The following MAGEA1 variants were observed in gnomAD, a reference collection of about 807,000 sequenced individuals.
The protein encoded by MAGEA1 is melanoma-associated antigen 1.
For missense variants in MAGEA1, 182 were observed against 233.7 expected (o/e 0.78, Z 1.44); for synonymous variants, 101 against 96.7 (o/e 1.04, Z -0.26).
In MAGEA1 at chrX:153,182,886, G is replaced by C; in HGVS notation, c.497G>C (p.Gly166Ala). The change falls in exon 3 of 3, where the codon GGC (glycine) becomes GCC (alanine). Residue 166 changes from glycine to alanine, a missense_variant. Physicochemically the swap from Gly to Ala is moderately conservative, Grantham distance 60. Transcript: ENST00000356661. ...GACGTGAAGGAAGCAGACCCCACCG[G>C]CCACTCCTATGTCCTTGTCACCTGC... Reference protein sequence around the residue: ...GIDVKEADPTGHSYVLVTCLG... With the variant: ...GIDVKEADPTAHSYVLVTCLG... 1 of 1,211,829 alleles carries C rather than the reference G, an allele frequency of 8.3e-7. No homozygotes were observed. The highest frequency in any genetic ancestry group is 1.1e-6 in the Non-Finnish European group (1 of 895,504).
rs965633628 is a variant in MAGEA1, at chrX:153,181,352, C to T, written c.-138-825C>T. ...GCGGTCCCAGGATCTGCCATGCGTT[C>T]GGGTGAGGAACATGAGGGAGGACTG... On this transcript the variant is annotated intron_variant, in intron 1 of 2. Coordinates refer to ENST00000356661, the MANE Select transcript of MAGEA1 (RefSeq NM_004988.5). Among the ~76,000 whole-genome samples, 13 of 111,240 alleles carry T rather than the reference C, an allele frequency of 1.2e-4. No homozygotes were observed. In the East Asian group the frequency reaches 3.4e-3, roughly 29 times the overall value.
rs1556944172 is a variant in MAGEA1 at position 153,182,935 on chromosome X, G to T, written c.546G>T (p.Leu182=). 5.0e-6 allele frequency: 6 copies of T among 1,211,887 alleles called. No individual in the cohort carries two copies. Among genetic ancestry groups the T allele is most frequent in the Non-Finnish European group, 6.7e-6 (6 of 895,533 alleles). ...GCCTAGGTCTCTCCTATGATGGCCT[G>T]CTGGGTGATAATCAGATCATGCCCA... The part of the protein sequence containing the change: ...VTCLGLSYDG[L]LGDNQIMPKT... Residue 182 remains leucine, a synonymous_variant, in exon 3 of 3, where the codon CTG becomes CTT. Transcript: ENST00000356661.
intron 1 of MAGEA1, among the ~76,000 whole-genome samples, chrX:153,180,405 A>G (rs1359929918): frequency 2.7e-5 from 3 of 109,920 alleles, no homozygotes; most frequent in African/African-American, 1.0e-4. Flanking sequence ...CCTACCCCCA[A>G]CCTCATCTTG....
At position 153,182,140 on chromosome X, in the gene MAGEA1, G is replaced by A. The variant is rs1195378369; in HGVS notation, c.-138-37G>A. 4.8e-6 allele frequency: 3 copies of A among 621,790 alleles called. 1 individual carries two copies. Among genetic ancestry groups the A allele is most frequent in the Non-Finnish European group, 2.6e-6 (1 of 386,996 alleles). 51.2% of individuals were successfully genotyped at this position (621,790 alleles called of 1,213,427 possible). ...CCTGTAGAATCGACCTCTGCTGGCC[G>A]GCTGTACCCTGAGTACCCTCTCACT... On this transcript the variant is annotated intron_variant, in intron 1 of 2. Transcript: ENST00000356661.
chrX:153,181,463 C>T (rs1183304855), intron 1 of MAGEA1, among the ~76,000 whole-genome samples: 1 of 111,623 alleles, frequency 9.0e-6, no homozygotes, highest in African/African-American at 3.3e-5. Flanking sequence ...ATGGGCTGGG[C>T]CGTCTGCCGA....
chrX:153,183,604 T>C lies in MAGEA1; in HGVS notation c.*285T>C. ...AGTCACACAGTTCTGTGTATATAGT[T>C]TAAGGGTAAGAGTCTTGTGTTTTAT... On this transcript the variant is annotated 3_prime_UTR_variant, in exon 3 of 3. Transcript: ENST00000356661. 1 of 320,672 alleles carries C rather than the reference T, an allele frequency of 3.1e-6. No individual in the cohort carries two copies. The highest frequency in any genetic ancestry group is 5.7e-6 in the Non-Finnish European group (1 of 175,287). 26.4% of individuals were successfully genotyped at this position (320,672 alleles called of 1,213,427 possible). A position where few individuals can be genotyped will look rare whatever the true frequency, so the allele number is the denominator to read the frequency against.
intron 1 of MAGEA1, among the ~76,000 whole-genome samples, chrX:153,180,339 C>T (rs3788749): frequency 0.11 from 11,967 of 110,826 alleles, 544 homozygotes; most frequent in South Asian, 0.19. Context: ...GGGTTCCCCA[C>T]CCACACCTGT....
Position 153,180,568 on chromosome X carries a change from T to C in MAGEA1, c.-139+1203T>C, listed in dbSNP as rs1047241431. Among the ~76,000 whole-genome samples, 12 of 110,879 alleles carry C rather than the reference T, an allele frequency of 1.1e-4. No homozygotes were observed. In the Admixed American group the frequency reaches 1.1e-3, roughly 11 times the overall value. On this transcript the variant is annotated intron_variant, in intron 1 of 2. Transcript: ENST00000356661. The stretch of plus-strand genomic sequence containing the variant: ...GCCCTACTGCGAGATGAGGGAGGCC[T>C]CAGAGGACCCAGCACCCTAGGACAC...
At chrX:153,181,538 C>A (rs1004973947) in intron 1 of MAGEA1, among the ~76,000 whole-genome samples, 1 of 110,966 alleles carries the variant, frequency 9.0e-6, no homozygotes, top group Non-Finnish European at 1.9e-5. Context: ...GAGAAGGCTG[C>A]GCTCAGGTCA....
Position 153,179,343 on chromosome X carries a change from C to G in MAGEA1, c.-161C>G, listed in dbSNP as rs1233043765. 1 of 104,960 alleles carries G rather than the reference C, an allele frequency of 9.5e-6. No homozygotes were observed. The highest frequency in any genetic ancestry group is 3.5e-5 in the African/African-American group (1 of 28,461). The allele number at this position is 104,960 out of a possible 1,213,427, so 8.6% of individuals were successfully genotyped here. On this transcript the variant is annotated 5_prime_UTR_variant, in exon 1 of 3. Transcript: ENST00000356661. Reference sequence around the variant, plus strand: ...GTAGAGTTCGGCCGAAGGAACCTGACCCAGGCTCTGTGAGGAGGCAAGGTG... The same window carrying G: ...GTAGAGTTCGGCCGAAGGAACCTGAGCCAGGCTCTGTGAGGAGGCAAGGTG...
chrX:153,181,538 C>T (rs1004973947), intron 1 of MAGEA1, among the ~76,000 whole-genome samples: 4 of 111,020 alleles, frequency 3.6e-5, no homozygotes, highest in East Asian at 2.9e-4. Flanking sequence ...GAGAAGGCTG[C>T]GCTCAGGTCA....
At chrX:153,181,442 C>T (rs1556943937) in intron 1 of MAGEA1, among the ~76,000 whole-genome samples, 3 of 111,671 alleles carry the variant, frequency 2.7e-5, no homozygotes, top group African/African-American at 9.8e-5. Flanking sequence ...CCTGCTGTCA[C>T]CCCAGAGAGC....
chrX:153,182,698 T>C lies in MAGEA1; in HGVS notation c.309T>C (p.Thr103=). The part of the protein sequence containing the change: ...ILESLFRAVI[T]KKVADLVGFL... ...AGTCCTTGTTCCGAGCAGTAATCAC[T>C]AAGAAGGTGGCTGATTTGGTTGGTT... The change falls in exon 3 of 3, where the codon ACT becomes ACC. Residue 103 remains threonine (T), a synonymous_variant. Transcript: ENST00000356661. 8.3e-7 allele frequency: 1 copy of C among 1,211,996 alleles called. No homozygotes were observed. The highest frequency in any genetic ancestry group is 3.0e-5 in the East Asian group (1 of 33,837).
chrX:153,180,045 G>A (rs1337560618), intron 1 of MAGEA1, among the ~76,000 whole-genome samples: 1 of 110,642 alleles, frequency 9.0e-6, no homozygotes, highest in Non-Finnish European at 1.9e-5. Flanking sequence ...TCTGTGAGGA[G>A]GCAAGGTGAG....
In MAGEA1 at chrX:153,183,124, G is replaced by C; in HGVS notation, c.735G>C (p.Gln245His). 1.6e-6 allele frequency: 2 copies of C among 1,212,336 alleles called. No individual in the cohort carries two copies. The highest frequency in any genetic ancestry group is 2.2e-6 in the Non-Finnish European group (2 of 895,620). Reference sequence around the variant, plus strand: ...AGCTGCTCACCCAAGATTTGGTGCAGGAAAAGTACCTGGAGTACCGGCAGG... The same window carrying C: ...AGCTGCTCACCCAAGATTTGGTGCACGAAAAGTACCTGGAGTACCGGCAGG... Reference protein sequence around the residue: ...PRKLLTQDLVQEKYLEYRQVP... With the variant: ...PRKLLTQDLVHEKYLEYRQVP... Residue 245 changes from glutamine (Q) to histidine (H), a missense_variant, in exon 3 of 3, where the codon CAG (glutamine) becomes CAC (histidine). Transcript: ENST00000356661.
At position 153,182,728 on chromosome X, in the gene MAGEA1, G is replaced by A. The variant is rs2051503050; in HGVS notation, c.339G>A (p.Leu113=). ...TKKVADLVGF[L]LLKYRAREPV... ...AGGTGGCTGATTTGGTTGGTTTTCT[G>A]CTCCTCAAATATCGAGCCAGGGAGC... The change falls in exon 3 of 3, where the codon CTG becomes CTA. Residue 113 remains leucine, a synonymous_variant. Transcript: ENST00000356661. 1 of 1,210,362 alleles carries A rather than the reference G, an allele frequency of 8.3e-7. No homozygotes were observed. The highest frequency in any genetic ancestry group is 2.2e-5 in the Admixed American group (1 of 45,873).
rs781881004 is a variant in MAGEA1 at position 153,182,908 on chromosome X, C to A, written c.519C>A (p.Thr173=). 3.3e-6 allele frequency: 4 copies of A among 1,210,301 alleles called. No individual in the cohort carries two copies. The highest frequency in any genetic ancestry group is 4.5e-6 in the Non-Finnish European group (4 of 895,304). ...CCGGCCACTCCTATGTCCTTGTCAC[C>A]TGCCTAGGTCTCTCCTATGATGGCC... ...DPTGHSYVLV[T]CLGLSYDGLL... The change falls in exon 3 of 3, where the codon ACC becomes ACA. Residue 173 remains threonine, a synonymous_variant. Coordinates refer to ENST00000356661, the MANE Select transcript of MAGEA1 (RefSeq NM_004988.5).
At chrX:153,181,686 G>A (rs782309759) in intron 1 of MAGEA1, among the ~76,000 whole-genome samples, 45 of 111,836 alleles carry the variant, frequency 4.0e-4, no homozygotes, top group African/African-American at 1.4e-3. Flanking sequence ...GTGGCCAGAT[G>A]TTTGTCCCCT....
rs1417177792 is a variant in MAGEA1 at position 153,183,522 on chromosome X, G to GT, written c.*212dup. The GT allele has an allele frequency of 3.0e-3, 1,271 of 420,266 alleles. No individual in the cohort carries two copies. The highest frequency in any genetic ancestry group is 4.7e-3 in the Middle Eastern group (7 of 1,492). 34.6% of individuals were successfully genotyped at this position (420,266 alleles called of 1,213,427 possible). On this transcript the variant is annotated 3_prime_UTR_variant, in exon 3 of 3. Coordinates refer to ENST00000356661, the MANE Select transcript of MAGEA1 (RefSeq NM_004988.5). ...TGTTCTCTTTTGGAATTGTTCAAAT[G>GT]TTTTTTTTTAAGGGATGGTTGAATG...
Sources: allele counts gnomAD v4.1 joint callset (sites outside exome capture counted in the v4.1 genomes callset), GRCh38; gene constraint gnomAD v4.1.1; transcripts MANE v1.5; gene names NCBI Gene and HGNC (gene_info 2026-07-23, HGNC 2026-07-21).